Variants in R3HDM2 observed in about 807,000 individuals in gnomAD.
R3HDM2 encodes the protein R3H domain containing 2.
A neutral mutation model predicts 124.5 loss-of-function variants in R3HDM2; 38 were observed. That is an observed-to-expected ratio of 0.31 (90% CI 0.24 to 0.40). The LOEUF is 0.40. Among genes scored for constraint, R3HDM2 ranks in the 10% least tolerant of loss-of-function variants. The pLI, the probability that R3HDM2 is intolerant of heterozygous loss-of-function variation, is 1.00. For missense variants in R3HDM2, 869 were observed against 1,236.9 expected, an observed-to-expected ratio of 0.70 and a Z score of 4.46; for synonymous variants, 391 against 448.0, an observed-to-expected ratio of 0.87 and a Z score of 1.61.
chr12:57,405,730 T>A (rs1292043304), intron 1 of R3HDM2, among the ~76,000 whole-genome samples: 1 of 152,150 alleles, frequency 6.6e-6, no homozygotes, highest in African/African-American at 2.4e-5. Context: ...AAAAAATACC[T>A]TATTTCCTAT....
At chr12:57,285,446 AGTGTGT>A (rs34223001) in intron 12 of R3HDM2, among the ~76,000 whole-genome samples, 8 of 147,572 alleles carry the variant, frequency 5.4e-5, no homozygotes, top group African/African-American at 1.7e-4. Context: ...AGAGAGAGAG[AGTGTGT>A]GTGTGTGTGT....
chr12:57,398,525 G>A (rs977221394), intron 1 of R3HDM2, among the ~76,000 whole-genome samples: 1 of 149,182 alleles, frequency 6.7e-6, no homozygotes, highest in South Asian at 2.1e-4. Context: ...GTCTTACTCC[G>A]TCACACAGGC....
chr12:57,274,248 T>G (rs1276513630), intron 14 of R3HDM2, among the ~76,000 whole-genome samples: 1 of 152,092 alleles, frequency 6.6e-6, no homozygotes, highest in Non-Finnish European at 1.5e-5. Flanking sequence ...TTTGGGAGGC[T>G]GAGGTGGGCA....
Position 57,303,214 on chromosome 12 carries a change from G to A in R3HDM2, c.169C>T (p.Arg57Trp), listed in dbSNP as rs754332790. The A allele has an allele frequency of 5.2e-6, 8 of 1,527,680 alleles. No homozygotes were observed. Among genetic ancestry groups the A allele is most frequent in the South Asian group, 1.2e-5 (1 of 83,502 alleles). The allele number at this position is 1,527,680 out of a possible 1,614,324, so 94.6% of individuals were successfully genotyped here. Residue 57 changes from arginine to tryptophan, a missense_variant, in exon 4 of 24, where the codon CGG becomes TGG. Physicochemically the swap from Arg to Trp is moderately radical, Grantham distance 101. This residue lies in a region of R3HDM2 where 267 missense variants were observed against 447.7 expected (regional missense o/e 0.60). Transcript: ENST00000402412. ...DTSLRQETQR[R>W]TSNHGHARKR... ...CTGGCATGACCATGGTTAGATGTCCGCCTCTGTTAGAAGGGAATTGGAAAA... is the reference window on the plus strand; with the variant it reads ...CTGGCATGACCATGGTTAGATGTCCACCTCTGTTAGAAGGGAATTGGAAAA...
intron 2 of R3HDM2, among the ~76,000 whole-genome samples, chr12:57,360,006 A>AATAAATATATATATATAT (rs1403496780): frequency 2.7e-4 from 32 of 117,656 alleles, no homozygotes; most frequent in African/African-American, 9.7e-4. Context: ...TAAATAAATA[A>AATAAATATATATATATAT]ATATATATAT....
At chr12:57,407,111 A>C (rs2068595083) in intron 1 of R3HDM2, among the ~76,000 whole-genome samples, 1 of 151,914 alleles carries the variant, frequency 6.6e-6, no homozygotes. Flanking sequence ...TTAGCTGGGC[A>C]TGGTGATGGG....
intron 2 of R3HDM2, among the ~76,000 whole-genome samples, chr12:57,350,704 C>T (rs1203569850): frequency 6.6e-6 from 1 of 152,198 alleles, no homozygotes; most frequent in Non-Finnish European, 1.5e-5. Context: ...CCTGTAATCT[C>T]GACACTTTGG....
intron 2 of R3HDM2, among the ~76,000 whole-genome samples, chr12:57,312,182 A>G (rs1198626970): frequency 1.3e-5 from 2 of 152,192 alleles, no homozygotes; most frequent in East Asian, 3.8e-4. Flanking sequence ...GTCACAACAG[A>G]TATTTTCCTC....
chr12:57,281,734 C>T (rs2046191321), intron 13 of R3HDM2, among the ~76,000 whole-genome samples: 1 of 152,144 alleles, frequency 6.6e-6, no homozygotes, highest in South Asian at 2.1e-4. Context: ...GATCTGCCTG[C>T]CTCTGCCTCC....
chr12:57,349,498 A>G (rs139204935), intron 2 of R3HDM2, among the ~76,000 whole-genome samples: 11 of 150,496 alleles, frequency 7.3e-5, no homozygotes, highest in Non-Finnish European at 1.6e-4. Context: ...AATTCCATCC[A>G]TTCACCATAT....
chr12:57,401,922 T>C (rs2068084984), intron 1 of R3HDM2, among the ~76,000 whole-genome samples: 1 of 151,986 alleles, frequency 6.6e-6, no homozygotes, highest in African/African-American at 2.4e-5. Context: ...AGGTGGAGGT[T>C]GCAGTGAGCC....
At chr12:57,259,089 C>T (rs564430558) in intron 19 of R3HDM2, 30 bp from the exon 20 acceptor site, 4 of 1,598,404 alleles carry the variant, frequency 2.5e-6, no homozygotes, top group South Asian at 2.3e-5. Flanking sequence ...CAGTTGGTTA[C>T]AAATTCCAAC....
At chr12:57,298,353 A>AATGACAGAAGAAAGAATCTGGGCCATAGT (rs2050343735) in intron 6 of R3HDM2, among the ~76,000 whole-genome samples, 185 bp from the exon 7 acceptor site, 1 of 152,178 alleles carries the variant, frequency 6.6e-6, no homozygotes, top group Non-Finnish European at 1.5e-5. Context: ...TCCTCATCAG[A>AATGACAGAAGAAAGAATCTGGGCCATAGT]ATGACAGAAG....
chr12:57,268,332 C>T lies in R3HDM2; in HGVS notation c.2001G>A (p.Met667Ile). The T allele has an allele frequency of 6.2e-7, 1 of 1,613,942 alleles. No homozygotes were observed. The highest frequency in any genetic ancestry group is 8.5e-7 in the Non-Finnish European group (1 of 1,179,896). Residue 667 changes from methionine to isoleucine, a missense_variant, in exon 18 of 24, where the codon ATG becomes ATA. Coordinates refer to ENST00000402412, the MANE Select transcript of R3HDM2 (RefSeq NM_001394031.1). ...TACCGTTCTGCTGAGCAGGTGGGAT[C>T]ATGCTATAGTACACTGGTACCCCCG... ...PAAGVPVYYS[M>I]IPPAQQNGTS...
chr12:57,396,444 A>AAAAT (rs1317047192), intron 1 of R3HDM2, among the ~76,000 whole-genome samples: 4 of 151,146 alleles, frequency 2.6e-5, no homozygotes, highest in South Asian at 4.2e-4. Context: ...CCGTCTCAAA[A>AAAAT]AAATAAATAA....
In R3HDM2 at chr12:57,258,148, G is replaced by A. The variant is rs2136995991; in HGVS notation, c.2302-11C>T. ...CATTTGTGTGTTGGCCTGTGGAAAA[G>A]AGGAGCACACGTCACATAAACATCA... On this transcript the variant is annotated splice_polypyrimidine_tract_variant and intron_variant, in intron 20 of 23. Coordinates refer to ENST00000402412, the MANE Select transcript of R3HDM2 (RefSeq NM_001394031.1). 1 of 1,524,016 alleles carries A rather than the reference G, an allele frequency of 6.6e-7. No homozygotes were observed. Among genetic ancestry groups the A allele is most frequent in the African/African-American group, 1.4e-5 (1 of 73,882 alleles). The allele number at this position is 1,524,016 out of a possible 1,614,324, so 94.4% of individuals were successfully genotyped here.
At chr12:57,418,716 G>A (rs770434404) in intron 1 of R3HDM2, among the ~76,000 whole-genome samples, 10 of 151,882 alleles carry the variant, frequency 6.6e-5, no homozygotes, top group Non-Finnish European at 1.2e-4. Context: ...CCACCACCAC[G>A]CCCAGCTAAT....
intron 2 of R3HDM2, among the ~76,000 whole-genome samples, chr12:57,371,127 A>G (rs1289893858): frequency 7.7e-6 from 1 of 129,414 alleles, no homozygotes; most frequent in African/African-American, 3.0e-5. Context: ...ATACACACAC[A>G]AACTCAGAGA....
chr12:57,335,407 C>T (rs1321340847), intron 2 of R3HDM2, among the ~76,000 whole-genome samples: 1 of 151,444 alleles, frequency 6.6e-6, no homozygotes, highest in East Asian at 2.0e-4. Flanking sequence ...GGGGTTTCAC[C>T]ATGTTGGCCA....
Sources: gnomAD v4.1 joint callset for allele counts (sites outside exome capture counted in the v4.1 genomes callset) on GRCh38, gnomAD v4.1.1 for gene constraint, gnomAD v4.1.1 regional missense constraint, MANE v1.5 for transcripts, NCBI Gene and HGNC (gene_info 2026-07-23, HGNC 2026-07-21) for gene names.